Variants in MTMR10 observed in about 807,000 individuals in gnomAD.
MTMR10 encodes myotubularin related protein 10.
In MTMR10, 56 loss-of-function variants were observed where a neutral mutation model predicts 88.1. That is an observed-to-expected ratio of 0.64 (90% CI 0.51 to 0.79). MTMR10 has a LOEUF of 0.79. MTMR10 is among the 30% of genes least tolerant of loss of function. MTMR10 has a pLI of 0.00. For synonymous variants in MTMR10, 380 were observed against 340.9 expected (o/e 1.11, Z -1.26); for missense variants, 883 against 924.7 (o/e 0.95, Z 0.58).
chr15:30,966,109 G>C (rs1247165708), intron 6 of MTMR10: 1 of 447,232 alleles, frequency 2.2e-6, no homozygotes, highest in Non-Finnish European at 4.5e-6. Context: ...TATGGCCAGT[G>C]TTATGTTTAT....
rs2063074104 is a variant in MTMR10, at chr15:30,942,085, G to A, written c.1732-13C>T. 1.2e-6 allele frequency: 2 copies of A among 1,603,740 alleles called. No individual in the cohort carries two copies. Among genetic ancestry groups the A allele is most frequent in the Non-Finnish European group, 8.5e-7 (1 of 1,173,430 alleles). ...AGCTGTAGCTTTTCTATACAGAAGA[G>A]ATTTTATTATGTTCCGGGGATTCCC... On this transcript the variant is annotated splice_polypyrimidine_tract_variant and intron_variant, in intron 15 of 15. Coordinates refer to ENST00000435680, the MANE Select transcript of MTMR10 (RefSeq NM_017762.3).
chr15:30,968,501 C>T (rs2063497952), intron 5 of MTMR10, among the ~76,000 whole-genome samples: 1 of 149,574 alleles, frequency 6.7e-6, no homozygotes, highest in African/African-American at 2.5e-5. Flanking sequence ...TCCAAAAATG[C>T]ATGGGTGGCT....
At chr15:30,947,793 A>G (rs1320784336) in intron 13 of MTMR10, among the ~76,000 whole-genome samples, 4 of 152,134 alleles carry the variant, frequency 2.6e-5, no homozygotes, top group Admixed American at 1.3e-4. Context: ...ATGAGACACC[A>G]CAAGTCAAAT....
chr15:30,942,083 G>A lies in MTMR10; in HGVS notation c.1732-11C>T, dbSNP rs375184977. The A allele has an allele frequency of 1.7e-4, 274 of 1,606,608 alleles. No individual in the cohort carries two copies. Among genetic ancestry groups the A allele is most frequent in the Non-Finnish European group, 2.1e-4 (249 of 1,175,364 alleles). On this transcript the variant is annotated splice_polypyrimidine_tract_variant and intron_variant, in intron 15 of 15. Coordinates refer to ENST00000435680, the MANE Select transcript of MTMR10 (RefSeq NM_017762.3). ...GGAGCTGTAGCTTTTCTATACAGAA[G>A]AGATTTTATTATGTTCCGGGGATTC...
chr15:30,962,363 T>A (rs1239205373), intron 6 of MTMR10, among the ~76,000 whole-genome samples: 1 of 152,178 alleles, frequency 6.6e-6, no homozygotes, highest in Admixed American at 6.5e-5. Context: ...CTGTGGCAAG[T>A]CTCCCAGCTG....
chr15:30,941,460 A>G lies in MTMR10; in HGVS notation c.*10T>C, dbSNP rs997494754. ...CAGCTTCCCTCAAAATGTTCAGAAA[A>G]CACCCTATTTTAGTCTTCATTTGCT... On this transcript the variant is annotated 3_prime_UTR_variant, in exon 16 of 16. Transcript: ENST00000435680. 6.3e-7 allele frequency: 1 copy of G among 1,591,122 alleles called. No individual in the cohort carries two copies. The highest frequency in any genetic ancestry group is 1.4e-5 in the African/African-American group (1 of 73,954).
At chr15:30,930,595 T>G in the MTMR10 span, 1 of 1,613,032 alleles carries the variant, frequency 6.2e-7, no homozygotes, top group Non-Finnish European at 8.5e-7. Context: ...TGCAGGCACC[T>G]GGCTGCTGAC....
rs574945082 is a variant in MTMR10 at position 30,953,111 on chromosome 15, G to C, written c.1136+451C>G. On this transcript the variant is annotated intron_variant, in intron 11 of 15. Coordinates refer to ENST00000435680, the MANE Select transcript of MTMR10 (RefSeq NM_017762.3). ...GGCCTCATTTTGTACTTTTTCATCA[G>C]GGAAATTCATAAACCCTTTATGAAA... is the stretch of plus-strand genomic sequence containing the variant. Among the ~76,000 whole-genome samples, 128 of 152,170 alleles carry C rather than the reference G, an allele frequency of 8.4e-4. 1 individual carries two copies. Among genetic ancestry groups the C allele is most frequent in the East Asian group, 2.9e-3 (15 of 5,172 alleles).
At chr15:30,968,534 AAC>A (rs61503155) in intron 5 of MTMR10, among the ~76,000 whole-genome samples, 6,127 of 143,092 alleles carry the variant, frequency 0.043, 148 homozygotes, top group African/African-American at 0.067. Context: ...TCAAAAAAAC[AAC>A]ACACACACAC....
chr15:30,942,889 C>T lies in MTMR10; in HGVS notation c.1731+1G>A. 6.4e-7 allele frequency: 1 copy of T among 1,559,256 alleles called. No individual in the cohort carries two copies. Among genetic ancestry groups the T allele is most frequent in the South Asian group, 1.2e-5 (1 of 83,736 alleles). ...ATCACGTTTTGTTAGCTGTGATTTACCTTTGTCCGTTTAAAAGACTTCACG... is the reference window on the plus strand; with the variant it reads ...ATCACGTTTTGTTAGCTGTGATTTATCTTTGTCCGTTTAAAAGACTTCACG... On this transcript the variant is annotated splice_donor_variant, in intron 15 of 15. Transcript: ENST00000435680. LOFTEE classifies it high-confidence loss of function.
At position 30,954,953 on chromosome 15, in the gene MTMR10, C is replaced by T. The variant is rs1374197401; in HGVS notation, c.936-60G>A. The T allele has an allele frequency of 6.3e-6, 9 of 1,425,708 alleles. No individual in the cohort carries two copies. The East Asian group carries it at 2.3e-4, about 36-fold the overall frequency. The allele number at this position is 1,425,708 out of a possible 1,614,324, so 88.3% of individuals were successfully genotyped here. On this transcript the variant is annotated intron_variant, in intron 9 of 15. Transcript: ENST00000435680. ...TTCATTTCAGCATATATTTATTTAA[C>T]CCTTACTATAGACCAGGGGATAGAG... is the stretch of plus-strand genomic sequence containing the variant.
chr15:30,954,623 A>G (rs913941389), intron 10 of MTMR10, 140 bp downstream of exon 10: 5 of 913,884 alleles, frequency 5.5e-6, no homozygotes, highest in Non-Finnish European at 7.5e-6. Flanking sequence ...CTCATACAAT[A>G]ATATATAATT....
Position 30,939,298 on chromosome 15 carries a change from C to G in MTMR10, c.*2172G>C, listed in dbSNP as rs2062958116. 2 of 985,362 alleles carry G rather than the reference C, an allele frequency of 2.0e-6. No individual in the cohort carries two copies. Among genetic ancestry groups the G allele is most frequent in the Admixed American group, 6.1e-5 (1 of 16,270 alleles). The allele number at this position is 985,362 out of a possible 1,614,324, so 61.0% of individuals were successfully genotyped here. A position where few individuals can be genotyped will look rare whatever the true frequency, so the allele number is the denominator to read the frequency against. ...ATACTAGAAATTTCACCCAGTGCATCAGCATCTGTGCGGCATTCCCTCAGC... is the reference window on the plus strand; with the variant it reads ...ATACTAGAAATTTCACCCAGTGCATGAGCATCTGTGCGGCATTCCCTCAGC... On this transcript the variant is annotated 3_prime_UTR_variant, in exon 16 of 16. Coordinates refer to ENST00000435680, the MANE Select transcript of MTMR10 (RefSeq NM_017762.3).
intron 2 of MTMR10, among the ~76,000 whole-genome samples, chr15:30,977,865 G>C (rs1216101604): frequency 6.6e-6 from 1 of 152,126 alleles, no homozygotes; most frequent in Admixed American, 6.5e-5. Context: ...ACTTTTATTC[G>C]AAGTTCTTAA....
rs2062977950 is a variant in MTMR10 at position 30,939,793 on chromosome 15, T to C, written c.*1677A>G. On this transcript the variant is annotated 3_prime_UTR_variant, in exon 16 of 16. Transcript: ENST00000435680. ...AATGGCAGGATACGCTGTGGTGTTATAAGGAGATTGGGTCTGGTTTCTAAT... is the reference window on the plus strand; with the variant it reads ...AATGGCAGGATACGCTGTGGTGTTACAAGGAGATTGGGTCTGGTTTCTAAT... 2.0e-6 allele frequency: 2 copies of C among 985,362 alleles called. No homozygotes were observed. The highest frequency in any genetic ancestry group is 1.1e-4 in the East Asian group (1 of 8,820). The allele number at this position is 985,362 out of a possible 1,614,324, so 61.0% of individuals were successfully genotyped here.
At chr15:30,967,838 GTACTTGGA>G in intron 6 of MTMR10, 74 bp downstream of exon 6, 1 of 1,128,862 alleles carries the variant, frequency 8.9e-7, no homozygotes, top group Non-Finnish European at 1.3e-6. Flanking sequence ...TAAAGCTCAT[GTACTTGGA>G]GGCTTCCGGT....
the MTMR10 span, chr15:30,928,359 T>C: frequency 7.2e-7 from 1 of 1,395,584 alleles, no homozygotes; most frequent in Non-Finnish European, 9.3e-7. Flanking sequence ...TAAGGCTCTG[T>C]ATATAAACAA....
Position 30,972,526 on chromosome 15 carries a change from G to C in MTMR10, c.474+1788C>G, listed in dbSNP as rs533157215. On this transcript the variant is annotated intron_variant, in intron 5 of 15. Transcript: ENST00000435680. ...AGGGACTGGCTTGTTTTGTGCAGAC[G>C]GTTTAGTAAGGCCCTCTTCATGAAC... 6.6e-5 allele frequency among the ~76,000 whole-genome samples: 10 copies of C among 152,132 alleles called. No homozygotes were observed. In the South Asian group the frequency reaches 2.1e-3, roughly 32 times the overall value.
At chr15:30,928,654 C>T in the MTMR10 span, 20 of 1,613,952 alleles carry the variant, frequency 1.2e-5, no homozygotes, top group Non-Finnish European at 1.6e-5. Context: ...AAACGCCTGT[C>T]AGGTACTCCA....
Sources: allele counts gnomAD v4.1 joint callset (sites outside exome capture counted in the v4.1 genomes callset), GRCh38; gene constraint gnomAD v4.1.1; transcripts MANE v1.5; gene names NCBI Gene and HGNC (gene_info 2026-07-23, HGNC 2026-07-21).